The following CFAP251 variants were observed in gnomAD, a reference collection of about 807,000 sequenced individuals.
The protein encoded by CFAP251 is cilia- and flagella-associated protein 251.
CFAP251 carries 93 observed loss-of-function variants against 126.7 expected under a neutral mutation model. That is an observed-to-expected ratio of 0.73 (90% CI 0.62 to 0.87). The LOEUF is 0.87. Among genes scored for constraint, CFAP251 ranks in the 40% least tolerant of loss-of-function variants. The probability of loss-of-function intolerance (pLI) is 0.00; values close to 1 mark genes in which losing one functional copy is unlikely to be tolerated. For missense variants in CFAP251, 1,287 were observed against 1,389.2 expected, an observed-to-expected ratio of 0.93 and a Z score of 1.17; for synonymous variants, 503 against 506.9, an observed-to-expected ratio of 0.99 and a Z score of 0.10.
chr12:121,959,734 G>A (rs1881860463), intron 13 of CFAP251: 1 of 152,202 alleles, frequency 6.6e-6, no homozygotes, highest in South Asian at 2.1e-4. Context: ...ACAGCGAGGG[G>A]GCACCTGGAA....
In CFAP251 at chr12:121,919,036, A is replaced by C. The variant is rs1341192970; in HGVS notation, c.-21+341A>C. ...TTTTCAGCTGGAGAAACTAAGTGCC[A>C]GAGAAATCTCGTTCTTACTAGCGGT... On this transcript the variant is annotated intron_variant, in intron 1 of 21. Transcript: ENST00000288912. Among the ~76,000 whole-genome samples the C allele has an allele frequency of 3.3e-5, 5 of 152,186 alleles. No homozygotes were observed. The East Asian group carries it at 7.7e-4, about 23-fold the overall frequency.
chr12:121,979,388 G>A (rs1882558096), intron 19 of CFAP251, among the ~76,000 whole-genome samples: 2 of 152,028 alleles, frequency 1.3e-5, no homozygotes, highest in Admixed American at 1.3e-4. Flanking sequence ...CTGCATCGGA[G>A]CATTTACTGA....
chr12:121,972,864 A>C (rs1169131319), intron 17 of CFAP251, among the ~76,000 whole-genome samples: 5 of 152,216 alleles, frequency 3.3e-5, no homozygotes, highest in Non-Finnish European at 7.3e-5. Flanking sequence ...CAGTTTTATA[A>C]AGAAAGCAGA....
chr12:121,929,746 C>T (rs572009879), intron 3 of CFAP251, among the ~76,000 whole-genome samples: 1 of 151,566 alleles, frequency 6.6e-6, no homozygotes, highest in Non-Finnish European at 1.5e-5. Context: ...GGCGTGATCT[C>T]AGCTTGCTAT....
At chr12:121,945,565 C>G (rs1297586635) in intron 7 of CFAP251, among the ~76,000 whole-genome samples, 1 of 150,062 alleles carries the variant, frequency 6.7e-6, no homozygotes, top group Non-Finnish European at 1.5e-5. Flanking sequence ...GGATGGTCTC[C>G]ATCTCCTGAC....
At chr12:121,987,136 G>A (rs562451637) in intron 19 of CFAP251, among the ~76,000 whole-genome samples, 8 of 152,282 alleles carry the variant, frequency 5.3e-5, no homozygotes, top group South Asian at 4.1e-4. Flanking sequence ...TAAAGACCCC[G>A]AGGGAATTTG....
chr12:122,001,680 C>A (rs901722565), intron 21 of CFAP251, 82 bp downstream of exon 21: 5 of 1,050,600 alleles, frequency 4.8e-6, no homozygotes, highest in African/African-American at 3.1e-5. Flanking sequence ...TTCTCCTGAT[C>A]GGTGCAAGCC....
rs78268210 is a variant in CFAP251, at chr12:121,945,241, C to T, written c.1191+2266C>T. Among the ~76,000 whole-genome samples, 204 of 152,284 alleles carry T rather than the reference C, an allele frequency of 1.3e-3. 5 individuals carry two copies. In the East Asian group the frequency reaches 0.036, roughly 27 times the overall value. The stretch of plus-strand genomic sequence containing the variant: ...TCACCTCTACCTGCATTATCTGGCC[C>T]GCTGGTCTCTCTGTGTTCACTCTCG... On this transcript the variant is annotated intron_variant, in intron 7 of 21. Transcript: ENST00000288912.
rs556012388 is a variant in CFAP251, at chr12:121,989,031, C to T, written c.3007-10685C>T. 3.9e-5 allele frequency among the ~76,000 whole-genome samples: 6 copies of T among 152,236 alleles called. No homozygotes were observed. The highest frequency in any genetic ancestry group is 2.1e-4 in the South Asian group (1 of 4,826). The stretch of plus-strand genomic sequence containing the variant: ...GATCCCAGATGTGAGCCACGGTGCC[C>T]GGCCCACATCACTTCTTCACTTGAG... On this transcript the variant is annotated intron_variant, in intron 19 of 21. Coordinates refer to ENST00000288912, the MANE Select transcript of CFAP251 (RefSeq NM_144668.6). The surrounding 1 kb of genome is among the most constrained non-coding windows in gnomAD (Gnocchi z 4.2).
At chr12:121,922,789 CTTTTCTT>C (rs1880240320) in intron 2 of CFAP251, among the ~76,000 whole-genome samples, 1 of 152,036 alleles carries the variant, frequency 6.6e-6, no homozygotes, top group Non-Finnish European at 1.5e-5. Context: ...TTTCTCTTTT[CTTTTCTT>C]TTTTCTTTTT....
intron 11 of CFAP251, 111 bp from the exon 12 acceptor site, chr12:121,958,161 T>A: frequency 6.9e-7 from 1 of 1,458,630 alleles, no homozygotes. Flanking sequence ...GTTAATAATG[T>A]CACTAAATTA....
At chr12:121,930,218 G>A (rs181478875) in intron 3 of CFAP251, among the ~76,000 whole-genome samples, 102 of 152,114 alleles carry the variant, frequency 6.7e-4, no homozygotes, top group African/African-American at 2.4e-3. Context: ...GCTGGGCGCC[G>A]TTGCCCACTG....
At chr12:121,968,349 G>A (rs1882221064) in intron 17 of CFAP251, among the ~76,000 whole-genome samples, 180 bp downstream of exon 17, 1 of 152,162 alleles carries the variant, frequency 6.6e-6, no homozygotes, top group Non-Finnish European at 1.5e-5. Context: ...TTGCTGTCCT[G>A]TCCCATGGAC....
At chr12:121,936,671 T>G (rs1565905414) in intron 5 of CFAP251, among the ~76,000 whole-genome samples, 1 of 151,990 alleles carries the variant, frequency 6.6e-6, no homozygotes, top group African/African-American at 2.4e-5. Context: ...TGTGACATGC[T>G]GTAATCAATG....
intron 5 of CFAP251, among the ~76,000 whole-genome samples, chr12:121,937,519 C>T (rs777305937): frequency 6.6e-5 from 10 of 152,130 alleles, no homozygotes; most frequent in Non-Finnish European, 1.2e-4. Flanking sequence ...ATCACTAGAG[C>T]GCAGCACCAG....
chr12:121,944,930 A>G (rs567168706), intron 7 of CFAP251, among the ~76,000 whole-genome samples: 1 of 152,032 alleles, frequency 6.6e-6, no homozygotes, highest in South Asian at 2.1e-4. Flanking sequence ...CTACAGGTGC[A>G]CACTATCATG....
At chr12:121,981,363 G>A (rs927339490) in intron 19 of CFAP251, among the ~76,000 whole-genome samples, 9 of 151,928 alleles carry the variant, frequency 5.9e-5, no homozygotes, top group African/African-American at 2.2e-4. Context: ...CCAGCTTCTC[G>A]GGAGGCTGAG....
chr12:121,920,382 A>C (rs1592956615), intron 1 of CFAP251, among the ~76,000 whole-genome samples: 4 of 132,616 alleles, frequency 3.0e-5, no homozygotes, highest in East Asian at 2.5e-4. Context: ...CACCACCACC[A>C]CACCAGGCTT....
At chr12:121,928,199 A>T (rs1172375665) in intron 3 of CFAP251, among the ~76,000 whole-genome samples, 7 of 152,196 alleles carry the variant, frequency 4.6e-5, no homozygotes, top group Non-Finnish European at 8.8e-5. Flanking sequence ...TCCTTTTAGG[A>T]TTAGCAAGTT....
Sources: gnomAD v4.1 joint callset for allele counts (sites outside exome capture counted in the v4.1 genomes callset) on GRCh38, gnomAD v4.1.1 for gene constraint, Gnocchi (gnomAD v3.1) non-coding constraint, MANE v1.5 for transcripts, NCBI Gene and HGNC (gene_info 2026-07-23, HGNC 2026-07-21) for gene names.